ALDH1A1: variants seen among roughly 807,000 people sequenced by gnomAD.
ALDH1A1 encodes the protein aldehyde dehydrogenase 1A1.
In ALDH1A1, 19 loss-of-function variants were observed where a neutral mutation model predicts 62.1. That is an observed-to-expected ratio of 0.31 (90% CI 0.21 to 0.45). The LOEUF is 0.45. Ranked by LOEUF, ALDH1A1 falls within the 20% of genes least tolerant of loss-of-function variation. The pLI, the probability that ALDH1A1 is intolerant of heterozygous loss-of-function variation, is 1.00. For missense variants in ALDH1A1, 521 were observed against 607.1 expected (o/e 0.86, Z 1.49); for synonymous variants, 231 against 215.9 (o/e 1.07, Z -0.61).
At position 72,935,197 on chromosome 9, in the gene ALDH1A1, A is replaced by C. The variant is rs556536547; in HGVS notation, c.172-4178T>G. Among the ~76,000 whole-genome samples the C allele has an allele frequency of 4.6e-5, 7 of 152,250 alleles. No individual in the cohort carries two copies. The South Asian group carries it at 1.4e-3, about 32-fold the overall frequency. On this transcript the variant is annotated intron_variant, in intron 2 of 12. Coordinates refer to ENST00000297785, the MANE Select transcript of ALDH1A1 (RefSeq NM_000689.5). ...TAGACATAACAGTTATTGTTTTCTT[A>C]ATTCCAGGACTAGCATTTTTTAAAT...
At chr9:72,950,132 GATCACTAACGTTAA>G (rs1830526734) in intron 1 of ALDH1A1, among the ~76,000 whole-genome samples, 1 of 151,854 alleles carries the variant, frequency 6.6e-6, no homozygotes, top group Admixed American at 6.6e-5. Context: ...ATAGGACTAG[GATCACTAACGTTAA>G]ATCATTTCCC....
In ALDH1A1 at chr9:72,927,097, A is replaced by G. The variant is rs1334620608; in HGVS notation, c.504+19T>C. 5.1e-6 allele frequency: 8 copies of G among 1,567,924 alleles called. No individual in the cohort carries two copies. Among genetic ancestry groups the G allele is most frequent in the South Asian group, 4.6e-5 (4 of 87,258 alleles). Reference sequence around the variant, plus strand: ...ACTCTTCTTTTTAAAATTGAGAATTATATAGGAGAAAAGCTTACAGGAATG... The same window carrying G: ...ACTCTTCTTTTTAAAATTGAGAATTGTATAGGAGAAAAGCTTACAGGAATG... On this transcript the variant is annotated intron_variant, in intron 5 of 12. Transcript: ENST00000297785.
chr9:72,929,961 C>T (rs150891255), intron 3 of ALDH1A1, among the ~76,000 whole-genome samples: 97 of 152,216 alleles, frequency 6.4e-4, no homozygotes, highest in African/African-American at 2.1e-3. Context: ...CATAGCTGCT[C>T]GTTCTGAATT....
intron 2 of ALDH1A1, among the ~76,000 whole-genome samples, chr9:72,933,502 G>A (rs958227711): frequency 1.3e-4 from 19 of 148,176 alleles, no homozygotes; most frequent in Admixed American, 7.6e-4. Context: ...TGGGAGGATC[G>A]TTTGAACCTG....
chr9:72,903,799 T>C (rs1332064453), intron 12 of ALDH1A1, among the ~76,000 whole-genome samples: 5 of 152,086 alleles, frequency 3.3e-5, no homozygotes, highest in African/African-American at 4.8e-5. Context: ...TTGGTCTACT[T>C]TAGTCTTGCA....
At chr9:72,925,389 A>C in intron 6 of ALDH1A1, 95 bp downstream of exon 6, 1 of 1,428,968 alleles carries the variant, frequency 7.0e-7, no homozygotes, top group South Asian at 1.3e-5. Flanking sequence ...AGCCATCTGT[A>C]AATAATGTAC....
At chr9:72,903,204 G>C (rs984956129) in intron 12 of ALDH1A1, among the ~76,000 whole-genome samples, 1 of 152,048 alleles carries the variant, frequency 6.6e-6, no homozygotes, top group Non-Finnish European at 1.5e-5. Context: ...AGCCAATCAA[G>C]TTTAAAATGG....
At chr9:72,925,673 A>G (rs1361613882) in intron 5 of ALDH1A1, 61 bp from the exon 6 acceptor site, 3 of 1,564,016 alleles carry the variant, frequency 1.9e-6, no homozygotes, top group Non-Finnish European at 2.6e-6. Flanking sequence ...TGCTAATCCA[A>G]CTTCCATATT....
intron 8 of ALDH1A1, 43 bp from the exon 9 acceptor site, chr9:72,917,147 T>A: frequency 7.8e-7 from 1 of 1,276,818 alleles, no homozygotes; most frequent in Non-Finnish European, 1.0e-6. Context: ...TTTATAAAAA[T>A]TATATATTTT....
At chr9:72,932,334 A>G (rs904996970) in intron 2 of ALDH1A1, among the ~76,000 whole-genome samples, 1 of 152,158 alleles carries the variant, frequency 6.6e-6, no homozygotes, top group Non-Finnish European at 1.5e-5. Flanking sequence ...CTTCCCCTCA[A>G]ATGGACCTCA....
intron 1 of ALDH1A1, among the ~76,000 whole-genome samples, chr9:72,952,078 C>T (rs1391484797): frequency 6.6e-6 from 1 of 151,984 alleles, no homozygotes; most frequent in African/African-American, 2.4e-5. Flanking sequence ...ATGGCTCTCT[C>T]TTGATTTGCA....
chr9:72,929,498 T>G (rs1038261495), intron 3 of ALDH1A1, among the ~76,000 whole-genome samples: 2 of 152,222 alleles, frequency 1.3e-5, no homozygotes, highest in Admixed American at 6.6e-5. Context: ...CAAACTTAAG[T>G]AATGCCTGGA....
intron 11 of ALDH1A1, among the ~76,000 whole-genome samples, chr9:72,908,273 C>G (rs911198845): frequency 6.7e-6 from 1 of 150,200 alleles, no homozygotes; most frequent in African/African-American, 2.4e-5. Flanking sequence ...AAGAAAAAAA[C>G]AAAATACAAA....
At chr9:72,910,646 A>C (rs767437353) in intron 10 of ALDH1A1, among the ~76,000 whole-genome samples, 2 of 152,170 alleles carry the variant, frequency 1.3e-5, no homozygotes, top group African/African-American at 4.8e-5. Flanking sequence ...ATTTCAATAA[A>C]ATATTTATTA....
Position 72,901,211 on chromosome 9 carries a change from T to C in ALDH1A1, c.1503A>G (p.Ser501=), listed in dbSNP as rs1256402012. The C allele has an allele frequency of 4.4e-6, 7 of 1,602,856 alleles. No homozygotes were observed. Among genetic ancestry groups the C allele is most frequent in the Non-Finnish European group, 6.0e-6 (7 of 1,171,258 alleles). The change falls in exon 13 of 13, where the codon TCA becomes TCG. Residue 501 remains serine (S), a synonymous_variant. Coordinates refer to ENST00000297785, the MANE Select transcript of ALDH1A1 (RefSeq NM_000689.5). ...TCTCTCCACTCTTGTATTTTCTTTATGAGTTCTTCTGAGAGATTTTCACTG... is the reference window on the plus strand; with the variant it reads ...TCTCTCCACTCTTGTATTTTCTTTACGAGTTCTTCTGAGAGATTTTCACTG... ...TVTVKISQKN[S]
intron 12 of ALDH1A1, among the ~76,000 whole-genome samples, chr9:72,901,721 T>A (rs972515135): frequency 1.3e-5 from 2 of 151,962 alleles, no homozygotes; most frequent in African/African-American, 4.8e-5. Flanking sequence ...AGAGGAGAAG[T>A]AGTAATATAT....
At chr9:72,911,825 A>G (rs1829994100) in intron 10 of ALDH1A1, 133 bp downstream of exon 10, 1 of 1,063,638 alleles carries the variant, frequency 9.4e-7, no homozygotes, top group Non-Finnish European at 1.4e-6. Flanking sequence ...ACCTCTATCA[A>G]GAACAGAATA....
intron 4 of ALDH1A1, 115 bp from the exon 5 acceptor site, chr9:72,927,292 G>T: frequency 1.4e-6 from 1 of 709,240 alleles, no homozygotes; most frequent in Non-Finnish European, 2.3e-6. Flanking sequence ...CATATATCTG[G>T]CCAGGTGTGG....
intron 2 of ALDH1A1, among the ~76,000 whole-genome samples, chr9:72,934,026 G>A (rs137936377): frequency 2.1e-3 from 318 of 152,192 alleles, no homozygotes; most frequent in Middle Eastern, 6.8e-3. Context: ...AAACCCCTGG[G>A]CTCAAGTGAT....
Sources: allele counts gnomAD v4.1 joint callset (sites outside exome capture counted in the v4.1 genomes callset), GRCh38; gene constraint gnomAD v4.1.1; transcripts MANE v1.5; gene names NCBI Gene and HGNC (gene_info 2026-07-23, HGNC 2026-07-21).